The following SLC8A1 variants were observed in gnomAD, a reference collection of about 807,000 sequenced individuals.
SLC8A1 encodes the protein sodium/calcium exchanger 1.
A neutral mutation model predicts 68.3 loss-of-function variants in SLC8A1; 18 were observed. The observed-to-expected ratio is 0.26, with a 90% CI of 0.18 to 0.39. The LOEUF is 0.39. Ranked by LOEUF, SLC8A1 falls within the 10% of genes least tolerant of loss-of-function variation. The pLI is 1.00. For missense variants in SLC8A1, 985 were observed against 1,156.7 expected (o/e 0.85, Z 2.15); for synonymous variants, 475 against 415.5 (o/e 1.14, Z -1.74).
At chr2:40,132,350 G>A (rs1396999490) in intron 7 of SLC8A1, among the ~76,000 whole-genome samples, 1 of 151,896 alleles carries the variant, frequency 6.6e-6, no homozygotes, top group Non-Finnish European at 1.5e-5. Flanking sequence ...CATGTAACAT[G>A]AGGATACTTG....
At chr2:40,202,961 G>A (rs527436472) in intron 2 of SLC8A1, among the ~76,000 whole-genome samples, 2 of 151,926 alleles carry the variant, frequency 1.3e-5, no homozygotes, top group Admixed American at 1.3e-4. Flanking sequence ...AAGTGTCCCT[G>A]TGATAAGCCA....
intron 2 of SLC8A1, among the ~76,000 whole-genome samples, chr2:40,394,378 G>A (rs1686257092): frequency 6.6e-6 from 1 of 151,878 alleles, no homozygotes; most frequent in Non-Finnish European, 1.5e-5. Context: ...ATTCATCAGG[G>A]CACTGAAATT....
chr2:40,262,085 C>T (rs2064784470), intron 2 of SLC8A1, among the ~76,000 whole-genome samples: 1 of 151,946 alleles, frequency 6.6e-6, no homozygotes, highest in Non-Finnish European at 1.5e-5. Flanking sequence ...GTCTCAGCCT[C>T]CTTAGTAGCT....
chr2:40,362,289 A>G (rs972630946), intron 2 of SLC8A1, among the ~76,000 whole-genome samples: 1 of 145,400 alleles, frequency 6.9e-6, no homozygotes, highest in Non-Finnish European at 1.5e-5. Flanking sequence ...AGAAAAAAAG[A>G]AAAAAAAACT....
chr2:40,145,099 G>C (rs1211286998), intron 6 of SLC8A1, among the ~76,000 whole-genome samples: 2 of 152,064 alleles, frequency 1.3e-5, no homozygotes, highest in African/African-American at 4.8e-5. Context: ...TAGTAAGATG[G>C]TAACCACTGC....
chr2:40,190,243 C>T (rs1035171258), intron 2 of SLC8A1, among the ~76,000 whole-genome samples: 1 of 152,258 alleles, frequency 6.6e-6, no homozygotes, highest in South Asian at 2.1e-4. Context: ...CCCTCATCTT[C>T]CCAAGCCCTC....
intron 2 of SLC8A1, among the ~76,000 whole-genome samples, chr2:40,381,145 G>A (rs1158228337): frequency 6.6e-6 from 1 of 152,006 alleles, no homozygotes; most frequent in Non-Finnish European, 1.5e-5. Context: ...AACCTCAGCT[G>A]GTTGCTCCAA....
intron 2 of SLC8A1, among the ~76,000 whole-genome samples, chr2:40,426,682 AC>A (rs1279758761): frequency 1.3e-5 from 2 of 152,032 alleles, no homozygotes; most frequent in Non-Finnish European, 2.9e-5. Flanking sequence ...GCTTAGTCAA[AC>A]AAACAAAACA....
At chr2:40,103,413 C>G (rs1267184113) in exon 8 of SLC8A1, 1 of 152,088 alleles carries the variant, frequency 6.6e-6, no homozygotes, top group Non-Finnish European at 1.5e-5. Flanking sequence ...TACTCCATGA[C>G]AAGGGAGGCA....
chr2:40,210,710 A>G (rs2056422682), intron 2 of SLC8A1, among the ~76,000 whole-genome samples: 1 of 152,166 alleles, frequency 6.6e-6, no homozygotes, highest in African/African-American at 2.4e-5. Context: ...GAGTAATTGA[A>G]GCACTTATTG....
chr2:40,309,020 A>G (rs970696607), intron 2 of SLC8A1, among the ~76,000 whole-genome samples: 2 of 152,154 alleles, frequency 1.3e-5, no homozygotes, highest in Non-Finnish European at 2.9e-5. Context: ...GCAACCTAAA[A>G]TGCTTAGACA....
intron 2 of SLC8A1, chr2:40,251,051 T>C (rs1446651205): frequency 1.3e-5 from 2 of 151,948 alleles, no homozygotes; most frequent in African/African-American, 4.8e-5. Flanking sequence ...CAAGAAGAAA[T>C]GTTTTATTCA....
At chr2:40,157,296 CTACTT>C (rs1318508051) in intron 6 of SLC8A1, among the ~76,000 whole-genome samples, 15 of 152,122 alleles carry the variant, frequency 9.9e-5, no homozygotes, top group African/African-American at 3.6e-4. Flanking sequence ...GCAGTTATCT[CTACTT>C]TACATATGAG....
intron 1 of SLC8A1, among the ~76,000 whole-genome samples, chr2:40,499,512 G>C (rs923798933): frequency 6.6e-6 from 1 of 152,114 alleles, no homozygotes. Flanking sequence ...AAGAGAATTA[G>C]AGAGATATTC....
intron 2 of SLC8A1, among the ~76,000 whole-genome samples, chr2:40,364,352 G>A (rs1454842057): frequency 6.6e-6 from 1 of 151,722 alleles, no homozygotes; most frequent in African/African-American, 2.4e-5. Flanking sequence ...CTACGAGTTT[G>A]TGTGTGTGTT....
chr2:40,356,547 G>A (rs1298046842), intron 2 of SLC8A1, among the ~76,000 whole-genome samples: 2 of 151,056 alleles, frequency 1.3e-5, no homozygotes, highest in African/African-American at 4.9e-5. Flanking sequence ...GCCTTTCAAA[G>A]ATATTGGATA....
chr2:40,200,249 T>TATAAATATATATATATAA lies in SLC8A1; in HGVS notation c.1809-22395_1809-22394insTTATATATATATATTTAT, dbSNP rs1553408010. Among the ~76,000 whole-genome samples the TATAAATATATATATATAA allele has an allele frequency of 4.8e-4, 13 of 26,990 alleles. 1 individual carries two copies. Among genetic ancestry groups the TATAAATATATATATATAA allele is most frequent in the Non-Finnish European group, 1.2e-3 (12 of 9,650 alleles). The allele number at this position is 26,990 out of a possible 152,430, so 17.7% of individuals were successfully genotyped here. A position where few individuals can be genotyped will look rare whatever the true frequency, so the allele number is the denominator to read the frequency against. On this transcript the variant is annotated intron_variant, in intron 2 of 7. Transcript: ENST00000406785. Reference sequence around the variant, plus strand: ...TTATATATATATATAAATATATATATATATATATATATATATATAACCTCT... The same window carrying TATAAATATATATATATAA: ...TTATATATATATATAAATATATATATATAAATATATATATATAAATATATATATATATATATAACCTCT...
chr2:40,496,605 G>A (rs187207277), intron 1 of SLC8A1, among the ~76,000 whole-genome samples: 4 of 151,982 alleles, frequency 2.6e-5, no homozygotes, highest in East Asian at 1.9e-4. Flanking sequence ...AGAAAGATCC[G>A]AATTACTTTC....
intron 2 of SLC8A1, among the ~76,000 whole-genome samples, chr2:40,186,689 A>T (rs529085487): frequency 2.6e-4 from 39 of 152,318 alleles, no homozygotes; most frequent in Admixed American, 9.2e-4. Flanking sequence ...TTAATCCAGA[A>T]GTCAACATTA....
Sources: allele counts gnomAD v4.1 joint callset (sites outside exome capture counted in the v4.1 genomes callset), GRCh38; gene constraint gnomAD v4.1.1; transcripts MANE v1.5; gene names NCBI Gene and HGNC (gene_info 2026-07-23, HGNC 2026-07-21).